TRUB2: variants seen among roughly 807,000 people sequenced by gnomAD.
The protein encoded by TRUB2 is TruB pseudouridine synthase family member 2.
A neutral mutation model predicts 31.9 loss-of-function variants in TRUB2; 31 were observed. The observed-to-expected ratio is 0.97, with a 90% CI of 0.73 to 1.31. The LOEUF (loss-of-function observed/expected upper bound fraction) is 1.31, where lower values mean the gene tolerates loss of function less well. Ranked by LOEUF, TRUB2 falls within the 50% of genes most tolerant of loss-of-function variation. TRUB2 has a pLI of 0.00. For synonymous variants in TRUB2, 201 were observed against 182.6 expected (o/e 1.10, Z -0.81); for missense variants, 451 against 439.6 (o/e 1.03, Z -0.23).
chr9:128,317,508 G>A (rs1221012980), intron 2 of TRUB2, among the ~76,000 whole-genome samples: 2 of 152,184 alleles, frequency 1.3e-5, no homozygotes, highest in Non-Finnish European at 2.9e-5. Flanking sequence ...CAAGAGTGCG[G>A]GGTTCCCTGC....
chr9:128,316,752 G>C (rs968681598), intron 3 of TRUB2: 6 of 181,556 alleles, frequency 3.3e-5, no homozygotes, highest in African/African-American at 1.4e-4. Flanking sequence ...TCACGCGCCT[G>C]GCTGCCCCAT....
At chr9:128,310,256 A>G (rs1831944914) in intron 7 of TRUB2, among the ~76,000 whole-genome samples, 1 of 151,898 alleles carries the variant, frequency 6.6e-6, no homozygotes, top group Admixed American at 6.6e-5. Context: ...CAACTGGCTA[A>G]TTTTTTATTT....
rs796349298 is a variant in TRUB2, at chr9:128,312,615, A to T, written c.461-1014T>A. ...CCGGCTAATTTTTTGTATTATTATT[A>T]TTTTTTTTTTTTTTTTTTGAGACGG... is the stretch of plus-strand genomic sequence containing the variant. On this transcript the variant is annotated intron_variant, in intron 5 of 7. Transcript: ENST00000372890. Among the ~76,000 whole-genome samples, 492 of 126,730 alleles carry T rather than the reference A, an allele frequency of 3.9e-3. 1 individual carries two copies. Among genetic ancestry groups the T allele is most frequent in the African/African-American group, 0.011 (384 of 36,518 alleles). 83.1% of individuals were successfully genotyped at this position (126,730 alleles called of 152,430 possible).
intron 4 of TRUB2, 49 bp downstream of exon 4, chr9:128,315,518 C>A (rs1254544656): frequency 3.8e-6 from 6 of 1,585,958 alleles, no homozygotes; most frequent in Non-Finnish European, 4.3e-6. Context: ...TGCTGGTGAC[C>A]CCCAGGAAAG....
chr9:128,316,962 T>C, intron 3 of TRUB2, 190 bp downstream of exon 3: 1 of 563,230 alleles, frequency 1.8e-6, no homozygotes, highest in Non-Finnish European at 3.2e-6. Flanking sequence ...TGGGTGACTG[T>C]GGTATTAACC....
At chr9:128,311,222 T>C in intron 6 of TRUB2, 199 bp from the exon 7 acceptor site, 1 of 698,448 alleles carries the variant, frequency 1.4e-6, no homozygotes, top group Admixed American at 2.9e-5. Context: ...GCCCAAGCTC[T>C]TAACTCCTTG....
At chr9:128,311,682 C>T in intron 5 of TRUB2, 81 bp from the exon 6 acceptor site, 3 of 1,465,652 alleles carry the variant, frequency 2.0e-6, no homozygotes, top group Non-Finnish European at 1.9e-6. Context: ...CAGGCCAGCC[C>T]CATCCCTGGA....
chr9:128,315,382 A>G (rs1832048378), intron 4 of TRUB2, among the ~76,000 whole-genome samples, 185 bp downstream of exon 4: 1 of 152,210 alleles, frequency 6.6e-6, no homozygotes, highest in Non-Finnish European at 1.5e-5. Context: ...AGTAGTCGGC[A>G]TACACTAACA....
chr9:128,318,336 G>A (rs561049002), intron 2 of TRUB2, among the ~76,000 whole-genome samples: 2 of 152,144 alleles, frequency 1.3e-5, no homozygotes, highest in African/African-American at 2.4e-5. Flanking sequence ...GGGCAACAGA[G>A]CAAGACTCTG....
Position 128,311,476 on chromosome 9 carries a change from G to A in TRUB2, c.533+53C>T. The A allele has an allele frequency of 1.9e-6, 3 of 1,584,782 alleles. No individual in the cohort carries two copies. In the South Asian group the frequency reaches 3.3e-5, roughly 18 times the overall value. On this transcript the variant is annotated intron_variant, in intron 6 of 7. Transcript: ENST00000372890. Reference sequence around the variant, plus strand: ...TGCCCCAGGTTTGGGGGAGCCTACGGGAGCCAAGGGCACTTACTGCTCTCC... The same window carrying A: ...TGCCCCAGGTTTGGGGGAGCCTACGAGAGCCAAGGGCACTTACTGCTCTCC...
At chr9:128,314,561 C>G (rs1457006957) in intron 4 of TRUB2, among the ~76,000 whole-genome samples, 1 of 151,982 alleles carries the variant, frequency 6.6e-6, no homozygotes, top group Non-Finnish European at 1.5e-5. Context: ...CGTCGAGTAG[C>G]TGGGAGGACA....
intron 5 of TRUB2, among the ~76,000 whole-genome samples, chr9:128,313,483 C>T (rs1832012091): frequency 7.0e-6 from 1 of 143,774 alleles, no homozygotes; most frequent in Non-Finnish European, 1.5e-5. Context: ...TTGCAGCGAG[C>T]TGAGATCGTG....
rs564841457 is a variant in TRUB2 at position 128,317,134 on chromosome 9, G to C, written c.316+18C>G. On this transcript the variant is annotated intron_variant, in intron 3 of 7. Transcript: ENST00000372890. The stretch of plus-strand genomic sequence containing the variant: ...TCAAGCCTTATCACTGTACCCCCAG[G>C]CTTCTCACATCACCTACCAAGTACT... 2 of 1,563,068 alleles carry C rather than the reference G, an allele frequency of 1.3e-6. No homozygotes were observed. The highest frequency in any genetic ancestry group is 1.4e-5 in the African/African-American group (1 of 73,706).
Position 128,309,426 on chromosome 9 carries a change from A to T in TRUB2, c.*124T>A, listed in dbSNP as rs905674589. Reference sequence around the variant, plus strand: ...TCAAGTCCATTGACCTTTCTGTTACAGCTTGAGTTTTGTGTCTTACGTAGA... The same window carrying T: ...TCAAGTCCATTGACCTTTCTGTTACTGCTTGAGTTTTGTGTCTTACGTAGA... On this transcript the variant is annotated 3_prime_UTR_variant, in exon 8 of 8. Coordinates refer to ENST00000372890, the MANE Select transcript of TRUB2 (RefSeq NM_015679.3). 9.3e-7 allele frequency: 1 copy of T among 1,071,610 alleles called. No individual in the cohort carries two copies. Among genetic ancestry groups the T allele is most frequent in the Non-Finnish European group, 1.3e-6 (1 of 751,074 alleles). The allele number at this position is 1,071,610 out of a possible 1,614,324, so 66.4% of individuals were successfully genotyped here.
At chr9:128,313,928 A>G in intron 4 of TRUB2, 39 bp from the exon 5 acceptor site, 1 of 1,598,106 alleles carries the variant, frequency 6.3e-7, no homozygotes, top group Non-Finnish European at 8.6e-7. Context: ...CAGTGACCCC[A>G]TTCTAAGCCC....
At chr9:128,315,099 G>A (rs1832044209) in intron 4 of TRUB2, among the ~76,000 whole-genome samples, 1 of 152,142 alleles carries the variant, frequency 6.6e-6, no homozygotes, top group South Asian at 2.1e-4. Flanking sequence ...CCCCACCTCT[G>A]GATGGTAAGC....
chr9:128,315,459 G>A (rs535019807), intron 4 of TRUB2, 108 bp downstream of exon 4: 283 of 1,121,292 alleles, frequency 2.5e-4, no homozygotes, highest in Non-Finnish European at 1.7e-4. Flanking sequence ...AAAAATGCTT[G>A]CTTATGGCTT....
In TRUB2 at chr9:128,322,419, C is replaced by T. The variant is rs1251998626; in HGVS notation, c.-11G>A. ...GCCAGCAGACCCCATACTTGAAGAT[C>T]ACAGCACCCGCTGGACCTGGACGGA... On this transcript the variant is annotated 5_prime_UTR_variant, in exon 1 of 8. Transcript: ENST00000372890. 1 of 1,613,976 alleles carries T rather than the reference C, an allele frequency of 6.2e-7. No homozygotes were observed. The highest frequency in any genetic ancestry group is 1.1e-5 in the South Asian group (1 of 91,078).
chr9:128,319,108 C>G (rs1832117321), intron 2 of TRUB2, among the ~76,000 whole-genome samples: 1 of 151,668 alleles, frequency 6.6e-6, no homozygotes, highest in Non-Finnish European at 1.5e-5. Context: ...GGGTGGATCA[C>G]GAGGTCAGGA....
Sources: allele counts gnomAD v4.1 joint callset (sites outside exome capture counted in the v4.1 genomes callset), GRCh38; gene constraint gnomAD v4.1.1; transcripts MANE v1.5; gene names NCBI Gene and HGNC (gene_info 2026-07-23, HGNC 2026-07-21).